TVP23A: variants seen among roughly 807,000 people sequenced by gnomAD.
TVP23A encodes trans-golgi network vesicle protein 23 homolog A.
In TVP23A, 21 loss-of-function variants were observed where a neutral mutation model predicts 31.7. That is an observed-to-expected ratio of 0.66 (90% CI 0.47 to 0.95). The LOEUF (loss-of-function observed/expected upper bound fraction) is 0.95, where lower values mean the gene tolerates loss of function less well. TVP23A is among the 40% of genes least tolerant of loss of function. The pLI is 0.00. For missense variants in TVP23A, 279 were observed against 255.6 expected (o/e 1.09, Z -0.62); for synonymous variants, 104 against 96.0 (o/e 1.08, Z -0.49).
At chr16:10,786,581 G>T (rs956647455) in intron 2 of TVP23A, among the ~76,000 whole-genome samples, 7 of 152,034 alleles carry the variant, frequency 4.6e-5, no homozygotes, top group African/African-American at 1.2e-4. Flanking sequence ...AGTATGGCAG[G>T]CCTGAAGAAA....
At chr16:10,783,535 G>T (rs1268936086) in intron 2 of TVP23A, among the ~76,000 whole-genome samples, 4 of 152,162 alleles carry the variant, frequency 2.6e-5, no homozygotes, top group African/African-American at 9.7e-5. Flanking sequence ...ATTTAGCCGG[G>T]CGTGGTGGCG....
In TVP23A at chr16:10,777,043, C is replaced by A. The variant is rs1213357347; in HGVS notation, c.90-1947G>T. ...CATCCTGTGACTTAGAATGCCTTAA[C>A]CGTCCAGGAATGCAGCCCAGTAGGT... On this transcript the variant is annotated intron_variant, in intron 2 of 7. Coordinates refer to ENST00000299866, the MANE Select transcript of TVP23A (RefSeq NM_001079512.4). This position sits in a 1 kb window ranked among gnomAD's most constrained non-coding sequence, Gnocchi z 4.5. Among the ~76,000 whole-genome samples, 1 of 152,148 alleles carries A rather than the reference C, an allele frequency of 6.6e-6. No individual in the cohort carries two copies. The highest frequency in any genetic ancestry group is 2.4e-5 in the African/African-American group (1 of 41,418).
At position 10,815,353 on chromosome 16, in the gene TVP23A, A is replaced by C. The variant is rs570252986; in HGVS notation, c.89+2750T>G. On this transcript the variant is annotated intron_variant, in intron 2 of 7. Coordinates refer to ENST00000299866, the MANE Select transcript of TVP23A (RefSeq NM_001079512.4). ...CTTGAACCCAAGAGGCAGAGGTTGT[A>C]GTGAGCCGAGATTGCACCACTGTGC... Among the ~76,000 whole-genome samples, 195 of 152,370 alleles carry C rather than the reference A, an allele frequency of 1.3e-3. 1 individual carries two copies. The highest frequency in any genetic ancestry group is 4.4e-3 in the African/African-American group (183 of 41,586).
At position 10,779,280 on chromosome 16, in the gene TVP23A, G is replaced by T. The variant is rs1289487397; in HGVS notation, c.90-4184C>A. ...CTATTTTATGCAGGTTGCTCCATCA[G>T]CATCCTCCAAGTCCTCATTCAGTCC... On this transcript the variant is annotated intron_variant, in intron 2 of 7. Coordinates refer to ENST00000299866, the MANE Select transcript of TVP23A (RefSeq NM_001079512.4). This position sits in a 1 kb window ranked among gnomAD's most constrained non-coding sequence, Gnocchi z 4.9. Among the ~76,000 whole-genome samples, 1 of 152,192 alleles carries T rather than the reference G, an allele frequency of 6.6e-6. No homozygotes were observed. The highest frequency in any genetic ancestry group is 2.4e-5 in the African/African-American group (1 of 41,438).
In TVP23A at chr16:10,797,590, G is replaced by A. The variant is rs146212738; in HGVS notation, c.89+20513C>T. 3.6e-3 allele frequency among the ~76,000 whole-genome samples: 554 copies of A among 151,856 alleles called. 2 individuals are homozygous for A. Among genetic ancestry groups the A allele is most frequent in the Middle Eastern group, 0.024 (7 of 294 alleles). ...ATGATTCTTATCAAAAATTAGCCAG[G>A]CGTGGTAGTGCGCACCTATAATCTC... On this transcript the variant is annotated intron_variant, in intron 2 of 7. Coordinates refer to ENST00000299866, the MANE Select transcript of TVP23A (RefSeq NM_001079512.4).
Position 10,774,052 on chromosome 16 carries a change from A to G in TVP23A, c.311T>C (p.Phe104Ser), listed in dbSNP as rs747020785. 1 of 1,611,588 alleles carries G rather than the reference A, an allele frequency of 6.2e-7. No individual in the cohort carries two copies. The highest frequency in any genetic ancestry group is 2.2e-5 in the East Asian group (1 of 44,868). ...CATGGAGAATACCTTCCTGGCTTCA[A>G]AGATCCAGTGGCTCTTCCCATCTTC... ...IDEDGKSHWI[F>S]EARKVSPNSI... Residue 104 changes from phenylalanine to serine, a missense_variant, in exon 4 of 8, where the codon TTT becomes TCT. By Grantham distance (155) the Phe-to-Ser change is radical. Transcript: ENST00000299866.
exon 9 of TVP23A, chr16:10,761,503 C>A (rs2029895586): frequency 6.4e-7 from 1 of 1,565,618 alleles, no homozygotes; most frequent in African/African-American, 1.4e-5. Context: ...GCCAGGCGAG[C>A]AAGATCTTGC....
Position 10,818,384 on chromosome 16 carries a change from G to A in TVP23A, c.9+101C>T. 2 of 1,517,968 alleles carry A rather than the reference G, an allele frequency of 1.3e-6. No homozygotes were observed. Among genetic ancestry groups the A allele is most frequent in the Non-Finnish European group, 1.8e-6 (2 of 1,123,282 alleles). 94.0% of individuals were successfully genotyped at this position (1,517,968 alleles called of 1,614,324 possible). ...GACCACCGGGTGCAGCCCAGCCCCAGGCCCCGGCGCATCCCTCCTCCTCCT... is the reference window on the plus strand; with the variant it reads ...GACCACCGGGTGCAGCCCAGCCCCAAGCCCCGGCGCATCCCTCCTCCTCCT... On this transcript the variant is annotated intron_variant, in intron 1 of 7. Coordinates refer to ENST00000299866, the MANE Select transcript of TVP23A (RefSeq NM_001079512.4). This position sits in a 1 kb window ranked among gnomAD's most constrained non-coding sequence, Gnocchi z 4.7.
chr16:10,763,302 C>T (rs547691982), downstream of TVP23A, among the ~76,000 whole-genome samples: 8 of 151,690 alleles, frequency 5.3e-5, no homozygotes, highest in African/African-American at 1.7e-4. Flanking sequence ...GTGCAGAAAG[C>T]GGGAGCCAGG....
chr16:10,809,391 C>T (rs1052252419), intron 2 of TVP23A, among the ~76,000 whole-genome samples: 20 of 152,236 alleles, frequency 1.3e-4, no homozygotes, highest in African/African-American at 4.1e-4. Context: ...CACCCACTGC[C>T]CCTGCACTGG....
chr16:10,818,582 T>A lies in TVP23A; in HGVS notation c.-89A>T. 1.3e-6 allele frequency: 2 copies of A among 1,504,540 alleles called. No homozygotes were observed. Among genetic ancestry groups the A allele is most frequent in the Non-Finnish European group, 1.8e-6 (2 of 1,125,236 alleles). 93.2% of individuals were successfully genotyped at this position (1,504,540 alleles called of 1,614,324 possible). On this transcript the variant is annotated 5_prime_UTR_variant, in exon 1 of 8. Transcript: ENST00000299866. This position sits in a 1 kb window ranked among gnomAD's most constrained non-coding sequence, Gnocchi z 4.7. ...AGGGGTCGGACGCCGGGCGGGCGGA[T>A]GTAGGCAGCAGACGGTGGACGCTGA...
rs778280081 is a variant in TVP23A, at chr16:10,779,887, G to A, written c.90-4791C>T. ...GCAGATCACTTGAGCTCAGGAGTTC[G>A]AGACCAGCCTGGCCAACATGGCAAA... On this transcript the variant is annotated intron_variant, in intron 2 of 7. Transcript: ENST00000299866. The surrounding 1 kb of genome is among the most constrained non-coding windows in gnomAD (Gnocchi z 4.9). Among the ~76,000 whole-genome samples the A allele has an allele frequency of 1.1e-4, 17 of 152,102 alleles. No individual in the cohort carries two copies. The highest frequency in any genetic ancestry group is 2.1e-4 in the Non-Finnish European group (14 of 68,012).
rs192702416 is a variant in TVP23A at position 10,773,433 on chromosome 16, C to T, written c.333G>A (p.Pro111=). ...CAGCTTCTGTGGCAGCAATGCTATTCGGAGAGACCTGTTAAAGGAAAGTAA... is the reference window on the plus strand; with the variant it reads ...CAGCTTCTGTGGCAGCAATGCTATTTGGAGAGACCTGTTAAAGGAAAGTAA... ...HWIFEARKVS[P]NSIAATEAEA... is the part of the protein sequence containing the mutation. Residue 111 remains proline (P), a synonymous_variant, in exon 5 of 8, where the codon CCG becomes CCA. Transcript: ENST00000299866. 7.5e-4 allele frequency: 1,204 copies of T among 1,597,886 alleles called. 6 individuals carry two copies. In the African/African-American group the frequency reaches 0.011, roughly 15 times the overall value.
intron 5 of TVP23A, among the ~76,000 whole-genome samples, chr16:10,773,090 A>G (rs1440426056): frequency 1.3e-5 from 2 of 152,022 alleles, no homozygotes; most frequent in Non-Finnish European, 2.9e-5. Flanking sequence ...CAATCCTTCC[A>G]CCTTGGCCTC....
chr16:10,816,881 A>C (rs1370674443), intron 2 of TVP23A, among the ~76,000 whole-genome samples: 2 of 151,352 alleles, frequency 1.3e-5, no homozygotes, highest in Non-Finnish European at 2.9e-5. Flanking sequence ...AATAATAATA[A>C]AAAATAAATA....
At chr16:10,816,777 G>T (rs965163353) in intron 2 of TVP23A, among the ~76,000 whole-genome samples, 1 of 151,968 alleles carries the variant, frequency 6.6e-6, no homozygotes, top group Non-Finnish European at 1.5e-5. Context: ...AATGCTAAAT[G>T]ACGAGTTAAT....
At position 10,768,263 on chromosome 16, in the gene TVP23A, C is replaced by A; in HGVS notation, c.*839G>T. The stretch of plus-strand genomic sequence containing the variant: ...GGTGAAATTTATGGCTTAGGAAATA[C>A]ATCCCAATAAAGGGATAAAGTAATT... On this transcript the variant is annotated 3_prime_UTR_variant, in exon 8 of 8. Coordinates refer to ENST00000299866, the MANE Select transcript of TVP23A (RefSeq NM_001079512.4). This position sits in a 1 kb window ranked among gnomAD's most constrained non-coding sequence, Gnocchi z 4.3. 4 of 355,446 alleles carry A rather than the reference C, an allele frequency of 1.1e-5. No homozygotes were observed. Among genetic ancestry groups the A allele is most frequent in the South Asian group, 5.0e-5 (1 of 19,936 alleles). The allele number at this position is 355,446 out of a possible 1,614,324, so 22.0% of individuals were successfully genotyped here.
intron 2 of TVP23A, among the ~76,000 whole-genome samples, chr16:10,804,949 C>T (rs920603481): frequency 1.3e-5 from 2 of 151,960 alleles, no homozygotes; most frequent in Admixed American, 6.6e-5. Context: ...ATTCTCCCCA[C>T]TCCTCCCAGA....
At chr16:10,787,873 T>C (rs1314140440) in intron 2 of TVP23A, among the ~76,000 whole-genome samples, 2 of 152,146 alleles carry the variant, frequency 1.3e-5, no homozygotes, top group Non-Finnish European at 2.9e-5. Context: ...AGCCTCACAT[T>C]ATCCATCCAT....
Sources: allele counts gnomAD v4.1 joint callset (sites outside exome capture counted in the v4.1 genomes callset), GRCh38; gene constraint gnomAD v4.1.1; non-coding constraint Gnocchi (gnomAD v3.1); transcripts MANE v1.5; gene names NCBI Gene and HGNC (gene_info 2026-07-23, HGNC 2026-07-21).